The following FCRL1 variants were observed in gnomAD, a reference collection of about 807,000 sequenced individuals.
The protein encoded by FCRL1 is Fc receptor like 1, also known as Fc receptor-like protein 1.
FCRL1 carries 34 observed loss-of-function variants against 49.2 expected under a neutral mutation model. That is an observed-to-expected ratio of 0.69 (90% CI 0.53 to 0.92). The LOEUF (loss-of-function observed/expected upper bound fraction) is 0.92. FCRL1 is among the 40% of genes least tolerant of loss of function. The pLI, the probability that FCRL1 is intolerant of heterozygous loss-of-function variation, is 0.00. For synonymous variants in FCRL1, 218 were observed against 201.6 expected (o/e 1.08, Z -0.69); for missense variants, 524 against 524.1 (o/e 1.00, Z 0.00).
intron 1 of FCRL1, among the ~76,000 whole-genome samples, chr1:157,813,194 A>T (rs1353033476): frequency 6.6e-6 from 1 of 152,230 alleles, no homozygotes; most frequent in Non-Finnish European, 1.5e-5. Context: ...CAGGAACACA[A>T]CAAACATGAA....
chr1:157,801,603 C>T (rs1447163344), intron 5 of FCRL1, 26 bp from the exon 6 acceptor site: 1 of 1,515,088 alleles, frequency 6.6e-7, no homozygotes, highest in South Asian at 1.1e-5. Flanking sequence ...TGTGCATGAT[C>T]TGCTCAGAGG....
chr1:157,813,343 A>G (rs780647866), intron 1 of FCRL1, among the ~76,000 whole-genome samples: 7 of 152,256 alleles, frequency 4.6e-5, no homozygotes, highest in Non-Finnish European at 1.0e-4. Flanking sequence ...GAAAAGTTCA[A>G]TAAAATCTGG....
rs1156979077 is a variant in FCRL1 at position 157,806,872 on chromosome 1, A to G, written c.52+230T>C. On this transcript the variant is annotated intron_variant, in intron 2 of 10. Transcript: ENST00000368176. Reference sequence around the variant, plus strand: ...ACTGTGTTCTTGAGAAGGTCAGAGCAAGACCTGTTCACCCCACTGAGCAGA... The same window carrying G: ...ACTGTGTTCTTGAGAAGGTCAGAGCGAGACCTGTTCACCCCACTGAGCAGA... The G allele has an allele frequency of 7.4e-5, 36 of 489,780 alleles. No individual in the cohort carries two copies. The South Asian group carries it at 1.1e-3, about 15-fold the overall frequency. 30.3% of individuals were successfully genotyped at this position (489,780 alleles called of 1,614,324 possible).
At chr1:157,797,698 G>T in intron 9 of FCRL1, 170 bp downstream of exon 9, 2 of 1,498,822 alleles carry the variant, frequency 1.3e-6, no homozygotes, top group Non-Finnish European at 1.8e-6. Flanking sequence ...TTAGCTCTGG[G>T]CTCTACTCAA....
At chr1:157,802,703 G>A in intron 3 of FCRL1, 39 bp from the exon 4 acceptor site, 1 of 1,577,220 alleles carries the variant, frequency 6.3e-7, no homozygotes, top group Non-Finnish European at 8.6e-7. Flanking sequence ...ACCCTGTGCA[G>A]GGAGAGTTTC....
intron 1 of FCRL1, 69 bp downstream of exon 1, chr1:157,819,938 A>G: frequency 6.4e-7 from 1 of 1,569,984 alleles, no homozygotes; most frequent in Non-Finnish European, 8.8e-7. Context: ...AGAAGTCCTT[A>G]CAGCCCTTCA....
At chr1:157,799,976 G>C in intron 7 of FCRL1, 82 bp downstream of exon 7, 1 of 1,323,420 alleles carries the variant, frequency 7.6e-7, no homozygotes, top group South Asian at 1.6e-5. Context: ...GAAAAAAAAT[G>C]CTCAGGAGAG....
Position 157,801,971 on chromosome 1 carries a change from T to A in FCRL1, c.830A>T (p.Glu277Val). 6.2e-7 allele frequency: 1 copy of A among 1,614,244 alleles called. No individual in the cohort carries two copies. The highest frequency in any genetic ancestry group is 1.1e-5 in the South Asian group (1 of 91,088). The change falls in exon 5 of 11, where the codon GAG (glutamate) becomes GTG (valine). Residue 277 changes from glutamate (E) to valine (V), a missense_variant. Transcript: ENST00000368176. ...CTGGGCCCCCAGGCCATTGTTGGCC[T>A]CACAGGAGTAGTTTCCAGAATGTTC... ...TEEHSGNYSC[E>V]ANNGLGAQRS... is the part of the protein sequence containing the mutation.
intron 9 of FCRL1, chr1:157,797,618 G>A (rs901978575): frequency 5.4e-5 from 45 of 838,320 alleles, no homozygotes; most frequent in Non-Finnish European, 7.3e-5. Context: ...TGGGATTTTT[G>A]CTCTTTCTAA....
chr1:157,819,742 A>C (rs1367783253), intron 1 of FCRL1, among the ~76,000 whole-genome samples: 1 of 152,202 alleles, frequency 6.6e-6, no homozygotes, highest in Non-Finnish European at 1.5e-5. Flanking sequence ...ACTGAGAACA[A>C]AGACAATTAT....
At chr1:157,801,674 T>A in intron 5 of FCRL1, 97 bp from the exon 6 acceptor site, 1 of 934,822 alleles carries the variant, frequency 1.1e-6, no homozygotes, top group Non-Finnish European at 1.7e-6. Flanking sequence ...GGTCTGCTCT[T>A]CCAAGTGGGG....
chr1:157,801,533 C>G lies in FCRL1; in HGVS notation c.931G>C (p.Glu311Gln), dbSNP rs1413371554. The change falls in exon 6 of 11, where the codon GAG becomes CAG. Residue 311 changes from glutamate (E) to glutamine (Q), a missense_variant. By Grantham distance (29) the Glu-to-Gln change is conservative. Transcript: ENST00000368176. Reference sequence around the variant, plus strand: ...GGACCAAGGGTGCTGAGCAGCCCCTCAATGACTCCTGAGGTAAGATGATTG... The same window carrying G: ...GGACCAAGGGTGCTGAGCAGCCCCTGAATGACTCCTGAGGTAAGATGATTG... Reference protein sequence around the residue: ...RSNHLTSGVIEGLLSTLGPAT... With the variant: ...RSNHLTSGVIQGLLSTLGPAT... 6.2e-7 allele frequency: 1 copy of G among 1,614,092 alleles called. No individual in the cohort carries two copies. Among genetic ancestry groups the G allele is most frequent in the South Asian group, 1.1e-5 (1 of 91,078 alleles).
intron 1 of FCRL1, 50 bp from the exon 2 acceptor site, chr1:157,807,172 T>A: frequency 6.3e-7 from 1 of 1,598,738 alleles, no homozygotes; most frequent in South Asian, 1.1e-5. Flanking sequence ...ATCCCACAAA[T>A]CTCCAAAGTT....
At chr1:157,805,772 G>T (rs908762044) in intron 2 of FCRL1, among the ~76,000 whole-genome samples, 1 of 152,194 alleles carries the variant, frequency 6.6e-6, no homozygotes, top group African/African-American at 2.4e-5. Context: ...GCATGAGTTT[G>T]TAGTCCCCAG....
chr1:157,806,942 G>T, intron 2 of FCRL1, 160 bp downstream of exon 2: 2 of 685,608 alleles, frequency 2.9e-6, no homozygotes, highest in African/African-American at 1.8e-5. Context: ...AGCAGCCCAG[G>T]CCCAAGGGAG....
intron 1 of FCRL1, among the ~76,000 whole-genome samples, chr1:157,808,035 A>G (rs1653741506): frequency 6.6e-6 from 1 of 152,182 alleles, no homozygotes; most frequent in Non-Finnish European, 1.5e-5. Context: ...ACTTTTTCTT[A>G]GGTTAAATGT....
intron 1 of FCRL1, among the ~76,000 whole-genome samples, chr1:157,813,666 A>G (rs1480400471): frequency 1.3e-5 from 2 of 152,196 alleles, no homozygotes; most frequent in Admixed American, 1.3e-4. Flanking sequence ...GGTTTTGGAA[A>G]GCATATTTGA....
At chr1:157,796,222 C>CA in intron 10 of FCRL1, 52 bp from the exon 11 acceptor site, 2 of 1,426,710 alleles carry the variant, frequency 1.4e-6, no homozygotes, top group Non-Finnish European at 2.0e-6. Flanking sequence ...AACATGCCTC[C>CA]ACTGGTCCCC....
intron 1 of FCRL1, among the ~76,000 whole-genome samples, chr1:157,816,908 A>G (rs1655112117): frequency 6.6e-6 from 1 of 152,038 alleles, no homozygotes; most frequent in Non-Finnish European, 1.5e-5. Flanking sequence ...CCCATTCACA[A>G]TAGTTATAAA....
Sources: allele counts gnomAD v4.1 joint callset (sites outside exome capture counted in the v4.1 genomes callset), GRCh38; gene constraint gnomAD v4.1.1; transcripts MANE v1.5; gene names NCBI Gene and HGNC (gene_info 2026-07-23, HGNC 2026-07-21).